Variants in DNAJB5 observed in about 807,000 individuals in gnomAD.
DNAJB5 encodes the protein DnaJ heat shock protein family (Hsp40) member B5, also known as dnaJ homolog subfamily B member 5.
In DNAJB5, 12 loss-of-function variants were observed where a neutral mutation model predicts 32.6. That is an observed-to-expected ratio of 0.37 (90% CI 0.24 to 0.60). DNAJB5 has a LOEUF of 0.60. Ranked by LOEUF, DNAJB5 falls within the 20% of genes least tolerant of loss-of-function variation. The pLI is 0.71. For synonymous variants in DNAJB5, 188 were observed against 212.9 expected, an observed-to-expected ratio of 0.88 and a Z score of 1.02; for missense variants, 358 against 554.2, an observed-to-expected ratio of 0.65 and a Z score of 3.55.
rs1827705891 is a variant in DNAJB5 at position 34,993,313 on chromosome 9, T to G, written c.296T>G (p.Met99Arg). ...EDEIKKAYRK[M>R]ALKYHPDKNK... Reference sequence around the variant, plus strand: ...GAGATCAAGAAAGCCTACCGGAAGATGGCCTTGAAGTACCACCCAGACAAG... The same window carrying G: ...GAGATCAAGAAAGCCTACCGGAAGAGGGCCTTGAAGTACCACCCAGACAAG... Residue 99 changes from methionine (M) to arginine (R), a missense_variant, in exon 3 of 5, where the codon ATG becomes AGG. Met to Arg is a moderately conservative substitution (Grantham distance 91). Transcript: ENST00000682809. This position sits in a 1 kb window ranked among gnomAD's most constrained non-coding sequence, Gnocchi z 4.7. The G allele has an allele frequency of 6.2e-7, 1 of 1,613,992 alleles. No individual in the cohort carries two copies. Among genetic ancestry groups the G allele is most frequent in the African/African-American group, 1.3e-5 (1 of 74,900 alleles).
chr9:34,990,172 C>A lies in DNAJB5; in HGVS notation c.-132-327C>A. On this transcript the variant is annotated intron_variant, in intron 1 of 4. Coordinates refer to ENST00000682809, the MANE Select transcript of DNAJB5 (RefSeq NM_001349723.3). This position sits in a 1 kb window ranked among gnomAD's most constrained non-coding sequence, Gnocchi z 4.5. ...CGCCCGAGCCCCCTCCCCTCCTCTC[C>A]TCGCCGCGCCTTTTGTCCCGGCCGA... The A allele has an allele frequency of 9.0e-7, 1 of 1,109,292 alleles. No individual in the cohort carries two copies. The highest frequency in any genetic ancestry group is 1.6e-5 in the South Asian group (1 of 61,822). The allele number at this position is 1,109,292 out of a possible 1,614,324, so 68.7% of individuals were successfully genotyped here. A position where few individuals can be genotyped will look rare whatever the true frequency, so the allele number is the denominator to read the frequency against.
At chr9:34,998,704 G>C (rs1005945030), downstream of DNAJB5, 2 of 151,890 alleles carry the variant, frequency 1.3e-5, no homozygotes, top group South Asian at 4.1e-4. Context: ...ATTGTCTTCA[G>C]ATGTGCTAGC....
At position 34,993,290 on chromosome 9, in the gene DNAJB5, G is replaced by A; in HGVS notation, c.273G>A (p.Glu91=). The A allele has an allele frequency of 6.2e-7, 1 of 1,614,184 alleles. No individual in the cohort carries two copies. Among genetic ancestry groups the A allele is most frequent in the Non-Finnish European group, 8.5e-7 (1 of 1,180,040 alleles). ...LGIPSGANED[E]IKKAYRKMAL... ...TCCCATCGGGGGCCAACGAGGATGA[G>A]ATCAAGAAAGCCTACCGGAAGATGG... The change falls in exon 3 of 5, where the codon GAG becomes GAA. Residue 91 remains glutamate (E), a synonymous_variant. Coordinates refer to ENST00000682809, the MANE Select transcript of DNAJB5 (RefSeq NM_001349723.3). This position sits in a 1 kb window ranked among gnomAD's most constrained non-coding sequence, Gnocchi z 4.7.
At chr9:34,992,439 C>A (rs530955408) in intron 2 of DNAJB5, 17 of 152,348 alleles carry the variant, frequency 1.1e-4, no homozygotes, top group African/African-American at 4.1e-4. Flanking sequence ...GCTTAGGCGG[C>A]ACAGCCCTCA....
chr9:34,998,583 T>C (rs988803440), downstream of DNAJB5: 6 of 152,120 alleles, frequency 3.9e-5, no homozygotes, highest in Non-Finnish European at 8.8e-5. Context: ...CCTCCTGGGA[T>C]TTCTAAAACT....
Position 34,990,836 on chromosome 9 carries a change from C to T in DNAJB5, c.182+24C>T, listed in dbSNP as rs888905252. 32 of 1,538,684 alleles carry T rather than the reference C, an allele frequency of 2.1e-5. No homozygotes were observed. Among genetic ancestry groups the T allele is most frequent in the Admixed American group, 6.0e-5 (3 of 50,196 alleles). ...CGGTAAGTCCCTCCGGAGAAGGGCA[C>T]TCACACCCATACCCAGTCAAACCCT... On this transcript the variant is annotated intron_variant, in intron 2 of 4. Coordinates refer to ENST00000682809, the MANE Select transcript of DNAJB5 (RefSeq NM_001349723.3). This position sits in a 1 kb window ranked among gnomAD's most constrained non-coding sequence, Gnocchi z 4.5.
chr9:34,991,365 T>C (rs1195637123), intron 2 of DNAJB5: 3 of 456,208 alleles, frequency 6.6e-6, no homozygotes, highest in African/African-American at 2.0e-5. Flanking sequence ...CTGAAAGAGC[T>C]TGCCCTGTGT....
rs1012611811 is a variant in DNAJB5 at position 34,997,733 on chromosome 9, C to A, written c.*474C>A. 1 of 298,372 alleles carries A rather than the reference C, an allele frequency of 3.4e-6. No homozygotes were observed. The highest frequency in any genetic ancestry group is 3.2e-5 in the South Asian group (1 of 31,140). 18.5% of individuals were successfully genotyped at this position (298,372 alleles called of 1,614,324 possible). A position where few individuals can be genotyped will look rare whatever the true frequency, so the allele number is the denominator to read the frequency against. On this transcript the variant is annotated 3_prime_UTR_variant, in exon 5 of 5. Transcript: ENST00000682809. The surrounding 1 kb of genome is among the most constrained non-coding windows in gnomAD (Gnocchi z 4.1). ...GTCCACAGTGTCCAAGGTAATGGCA[C>A]ACATATTCATGCACAAGAAGCACTC...
chr9:34,993,558 G>C lies in DNAJB5; in HGVS notation c.427+114G>C. ...GCTGTGGAGGGGGTGAGGGCAGCAA[G>C]GGTTTCCAGCACTGTCACCCAGAGA... On this transcript the variant is annotated intron_variant, in intron 3 of 4. Transcript: ENST00000682809. The surrounding 1 kb of genome is among the most constrained non-coding windows in gnomAD (Gnocchi z 4.7). 7.1e-7 allele frequency: 1 copy of C among 1,408,050 alleles called. No homozygotes were observed. The highest frequency in any genetic ancestry group is 9.6e-7 in the Non-Finnish European group (1 of 1,046,220). The allele number at this position is 1,408,050 out of a possible 1,614,324, so 87.2% of individuals were successfully genotyped here.
chr9:34,992,708 C>T (rs1000403034), intron 2 of DNAJB5: 8 of 867,222 alleles, frequency 9.2e-6, no homozygotes, highest in Admixed American at 1.1e-4. Flanking sequence ...GGACAGCTGG[C>T]GGAAGACCCA....
chr9:34,989,774 C>CG lies in DNAJB5; in HGVS notation c.-185dup, dbSNP rs1693497531. Reference sequence around the variant, plus strand: ...CGGGTGGAGGCGGCGGAGCCGGAGCCGGGGGAGGGGGCAGCGGCTGTCTCA... The same window carrying CG: ...CGGGTGGAGGCGGCGGAGCCGGAGCCGGGGGGAGGGGGCAGCGGCTGTCTCA... On this transcript the variant is annotated 5_prime_UTR_variant, in exon 1 of 5. Coordinates refer to ENST00000682809, the MANE Select transcript of DNAJB5 (RefSeq NM_001349723.3). 1.6e-6 allele frequency: 2 copies of CG among 1,231,182 alleles called. No individual in the cohort carries two copies. Among genetic ancestry groups the CG allele is most frequent in the Non-Finnish European group, 2.0e-6 (2 of 987,602 alleles). The allele number at this position is 1,231,182 out of a possible 1,614,324, so 76.3% of individuals were successfully genotyped here. A position where few individuals can be genotyped will look rare whatever the true frequency, so the allele number is the denominator to read the frequency against.
In DNAJB5 at chr9:34,993,687, G is replaced by A. The variant is rs928122133; in HGVS notation, c.427+243G>A. ...CAGGCCTTAGAGAGGTCTGAAGCAA[G>A]AGCCAGAGGCCTTCCCCGCCCTTCT... On this transcript the variant is annotated intron_variant, in intron 3 of 4. Coordinates refer to ENST00000682809, the MANE Select transcript of DNAJB5 (RefSeq NM_001349723.3). This position sits in a 1 kb window ranked among gnomAD's most constrained non-coding sequence, Gnocchi z 4.7. Among the ~76,000 whole-genome samples, 4 of 152,140 alleles carry A rather than the reference G, an allele frequency of 2.6e-5. No individual in the cohort carries two copies. In the South Asian group the frequency reaches 8.3e-4, roughly 32 times the overall value.
intron 2 of DNAJB5, chr9:34,992,898 G>A (rs1157504696): frequency 8.1e-7 from 1 of 1,231,012 alleles, no homozygotes; most frequent in Non-Finnish European, 1.0e-6. Flanking sequence ...GCCTCTCAGG[G>A]GTCCTCAGTC....
chr9:34,995,899 CA>C (rs1419991060), intron 3 of DNAJB5, among the ~76,000 whole-genome samples: 1 of 152,210 alleles, frequency 6.6e-6, no homozygotes, highest in African/African-American at 2.4e-5. Context: ...AACCAAGTAT[CA>C]CTTGTAATGT....
chr9:34,990,857 A>G lies in DNAJB5; in HGVS notation c.182+45A>G. The G allele has an allele frequency of 6.6e-7, 1 of 1,513,528 alleles. No homozygotes were observed. The allele number at this position is 1,513,528 out of a possible 1,614,324, so 93.8% of individuals were successfully genotyped here. A position where few individuals can be genotyped will look rare whatever the true frequency, so the allele number is the denominator to read the frequency against. On this transcript the variant is annotated intron_variant, in intron 2 of 4. Transcript: ENST00000682809. The surrounding 1 kb of genome is among the most constrained non-coding windows in gnomAD (Gnocchi z 4.5). Reference sequence around the variant, plus strand: ...GGCACTCACACCCATACCCAGTCAAACCCTCCACGCGGCCATCCCCTCCAT... The same window carrying G: ...GGCACTCACACCCATACCCAGTCAAGCCCTCCACGCGGCCATCCCCTCCAT...
In DNAJB5 at chr9:34,993,020, G is replaced by T; in HGVS notation, c.183-180G>T. 1 of 1,427,818 alleles carries T rather than the reference G, an allele frequency of 7.0e-7. No individual in the cohort carries two copies. Among genetic ancestry groups the T allele is most frequent in the East Asian group, 2.5e-5 (1 of 39,662 alleles). 88.4% of individuals were successfully genotyped at this position (1,427,818 alleles called of 1,614,324 possible). A position where few individuals can be genotyped will look rare whatever the true frequency, so the allele number is the denominator to read the frequency against. On this transcript the variant is annotated intron_variant, in intron 2 of 4. Coordinates refer to ENST00000682809, the MANE Select transcript of DNAJB5 (RefSeq NM_001349723.3). This position sits in a 1 kb window ranked among gnomAD's most constrained non-coding sequence, Gnocchi z 4.7. The stretch of plus-strand genomic sequence containing the variant: ...GGAATCACAGAATTCTAGAATGTCA[G>T]AGCCAGAAGAGATCATCTAGTCCAA...
In DNAJB5 at chr9:34,990,321, G is replaced by A. The variant is rs760707073; in HGVS notation, c.-132-178G>A. On this transcript the variant is annotated intron_variant, in intron 1 of 4. Transcript: ENST00000682809. The surrounding 1 kb of genome is among the most constrained non-coding windows in gnomAD (Gnocchi z 4.5). ...AGGCGACAGGAGCTCACTGCCTCTC[G>A]GGCCCTCACAATCACACCTGTCACA... is the stretch of plus-strand genomic sequence containing the variant. The A allele has an allele frequency of 3.0e-5, 44 of 1,450,378 alleles. No homozygotes were observed. The highest frequency in any genetic ancestry group is 3.5e-5 in the Non-Finnish European group (38 of 1,093,490). 89.8% of individuals were successfully genotyped at this position (1,450,378 alleles called of 1,614,324 possible). A position where few individuals can be genotyped will look rare whatever the true frequency, so the allele number is the denominator to read the frequency against.
Position 34,998,006 on chromosome 9 carries a change from G to A in DNAJB5, c.*747G>A, listed in dbSNP as rs9608. ...GGGGCCTGAGGTATTAAGGCTAAGA[G>A]GTGGGGGACAGGGCCCATCTACCAG... On this transcript the variant is annotated 3_prime_UTR_variant, in exon 5 of 5. Transcript: ENST00000682809. 0.23 allele frequency: 35,141 copies of A among 153,734 alleles called. 4,359 individuals carry two copies. Among genetic ancestry groups the A allele is most frequent in the East Asian group, 0.53 (2,745 of 5,168 alleles). 9.5% of individuals were successfully genotyped at this position (153,734 alleles called of 1,614,324 possible). A position where few individuals can be genotyped will look rare whatever the true frequency, so the allele number is the denominator to read the frequency against.
rs558001237 is a variant in DNAJB5 at position 34,997,350 on chromosome 9, C to T, written c.*91C>T. On this transcript the variant is annotated 3_prime_UTR_variant, in exon 5 of 5. Coordinates refer to ENST00000682809, the MANE Select transcript of DNAJB5 (RefSeq NM_001349723.3). The surrounding 1 kb of genome is among the most constrained non-coding windows in gnomAD (Gnocchi z 4.1). The stretch of plus-strand genomic sequence containing the variant: ...CACCCAGCTTGATGTCCACTGGACA[C>T]TGGCAACTTTTTCTAAAATGCAAAA... 1.5e-6 allele frequency: 2 copies of T among 1,365,242 alleles called. No homozygotes were observed. The highest frequency in any genetic ancestry group is 1.7e-5 in the Admixed American group (1 of 58,516). The allele number at this position is 1,365,242 out of a possible 1,614,324, so 84.6% of individuals were successfully genotyped here.
Sources: allele counts gnomAD v4.1 joint callset (sites outside exome capture counted in the v4.1 genomes callset), GRCh38; gene constraint gnomAD v4.1.1; non-coding constraint Gnocchi (gnomAD v3.1); transcripts MANE v1.5; gene names NCBI Gene and HGNC (gene_info 2026-07-23, HGNC 2026-07-21).